The following THSD4 variants were observed in gnomAD, a reference collection of about 807,000 sequenced individuals.
THSD4 encodes thrombospondin type-1 domain-containing protein 4.
THSD4 carries 69 observed loss-of-function variants against 119.0 expected under a neutral mutation model. That is an observed-to-expected ratio of 0.58 (90% CI 0.48 to 0.71). The LOEUF is 0.71. Among genes scored for constraint, THSD4 ranks in the 30% least tolerant of loss-of-function variants. THSD4 has a pLI of 0.00. For missense variants in THSD4, 1,393 were observed against 1,391.1 expected, an observed-to-expected ratio of 1.00 and a Z score of -0.02; for synonymous variants, 524 against 540.4, an observed-to-expected ratio of 0.97 and a Z score of 0.42.
At position 71,709,543 on chromosome 15, in the gene THSD4, C is replaced by T. The variant is rs553687725; in HGVS notation, c.1358-19006C>T. 4.6e-5 allele frequency among the ~76,000 whole-genome samples: 7 copies of T among 152,190 alleles called. No homozygotes were observed. In the East Asian group the frequency reaches 1.2e-3, roughly 25 times the overall value. Reference sequence around the variant, plus strand: ...TGGTCTATAGATGACGTAGATCAGCCGGATAACATGTGGCAGGAGGAGGCA... The same window carrying T: ...TGGTCTATAGATGACGTAGATCAGCTGGATAACATGTGGCAGGAGGAGGCA... On this transcript the variant is annotated intron_variant, in intron 8 of 17. Coordinates refer to ENST00000261862, the MANE Select transcript of THSD4 (RefSeq NM_024817.3).
intron 7 of THSD4, among the ~76,000 whole-genome samples, chr15:71,462,421 G>T (rs2047441880): frequency 6.6e-6 from 1 of 152,110 alleles, no homozygotes; most frequent in African/African-American, 2.4e-5. Flanking sequence ...CCAAAATGTT[G>T]GGATTGCAGG....
intron 7 of THSD4, among the ~76,000 whole-genome samples, chr15:71,502,693 A>G (rs575898458): frequency 7.9e-5 from 12 of 152,360 alleles, no homozygotes; most frequent in African/African-American, 2.2e-4. Flanking sequence ...AATATATTCT[A>G]TGTATGGAAT....
intron 3 of THSD4, among the ~76,000 whole-genome samples, chr15:71,195,092 C>A (rs1368121184): frequency 6.6e-6 from 1 of 152,122 alleles, no homozygotes; most frequent in Non-Finnish European, 1.5e-5. Context: ...ATGGGCAAGG[C>A]CTCGTGTTAA....
At chr15:71,713,810 G>A (rs2141097260) in intron 8 of THSD4, among the ~76,000 whole-genome samples, 1 of 152,250 alleles carries the variant, frequency 6.6e-6, no homozygotes, top group East Asian at 1.9e-4. Context: ...ACACTAAAGG[G>A]AAAGCATTGA....
At chr15:71,536,054 C>A (rs982093488) in intron 7 of THSD4, among the ~76,000 whole-genome samples, 12 of 152,182 alleles carry the variant, frequency 7.9e-5, no homozygotes, top group Non-Finnish European at 1.8e-4. Context: ...GTTTTAAAAT[C>A]TTAGCTCTTA....
At chr15:71,566,089 A>G (rs2049230908) in intron 7 of THSD4, among the ~76,000 whole-genome samples, 1 of 152,098 alleles carries the variant, frequency 6.6e-6, no homozygotes, top group Non-Finnish European at 1.5e-5. Flanking sequence ...TGATAAGGTT[A>G]CAGCTTAAAG....
chr15:71,756,371 G>A (rs1415400226), intron 14 of THSD4, among the ~76,000 whole-genome samples: 1 of 152,156 alleles, frequency 6.6e-6, no homozygotes, highest in Non-Finnish European at 1.5e-5. Context: ...TTAAATCCAG[G>A]TAGAAACTTG....
chr15:71,215,473 G>T, intron 4 of THSD4, 74 bp downstream of exon 4: 1 of 1,387,132 alleles, frequency 7.2e-7, no homozygotes, highest in Non-Finnish European at 9.5e-7. Flanking sequence ...CCCCTGCCTC[G>T]CACGCTGCTC....
intron 7 of THSD4, among the ~76,000 whole-genome samples, chr15:71,509,795 A>G (rs978485077): frequency 2.6e-5 from 4 of 152,212 alleles, no homozygotes; most frequent in African/African-American, 4.8e-5. Context: ...TTTCCCCAGG[A>G]AAGTTTGCCA....
rs979248041 is a variant in THSD4 at position 71,420,258 on chromosome 15, G to A, written c.1152+8435G>A. 1.9e-4 allele frequency among the ~76,000 whole-genome samples: 20 copies of A among 107,504 alleles called. 8 individuals carry two copies. The South Asian group carries it at 3.5e-3, about 19-fold the overall frequency. 70.5% of individuals were successfully genotyped at this position (107,504 alleles called of 152,430 possible). ...CTTTGTCTCTTTTTATAGTTTTTGC[G>A]TTGAAATTTAGTTTGTCTAAGTATA... On this transcript the variant is annotated intron_variant, in intron 7 of 17. Coordinates refer to ENST00000261862, the MANE Select transcript of THSD4 (RefSeq NM_024817.3).
Position 71,728,681 on chromosome 15 carries a change from C to G in THSD4, c.1490C>G (p.Ser497Cys). ...PNEISSTAGE[S>C]FLAEGPTNEI... The stretch of plus-strand genomic sequence containing the variant: ...GAGATTTCGAGCACTGCCGGAGAGT[C>G]CTTTTTGGCGGAAGGTCCCACCAAC... The change falls in exon 9 of 18, where the codon TCC becomes TGC. Residue 497 changes from serine (S) to cysteine (C), a missense_variant. Coordinates refer to ENST00000261862, the MANE Select transcript of THSD4 (RefSeq NM_024817.3). 1 of 1,614,180 alleles carries G rather than the reference C, an allele frequency of 6.2e-7. No individual in the cohort carries two copies. The highest frequency in any genetic ancestry group is 8.5e-7 in the Non-Finnish European group (1 of 1,180,024).
chr15:71,442,664 A>G (rs6494932), intron 7 of THSD4, among the ~76,000 whole-genome samples: 21,289 of 33,282 alleles, frequency 0.64, 6,820 homozygotes, highest in East Asian at 0.77. Context: ...GTGTGTGTAT[A>G]TATATATATA....
At chr15:71,396,328 A>G (rs150345952) in intron 6 of THSD4, among the ~76,000 whole-genome samples, 2 of 152,306 alleles carry the variant, frequency 1.3e-5, no homozygotes, top group East Asian at 1.9e-4. Flanking sequence ...ACCTATACGT[A>G]TACATACCTA....
At chr15:71,111,249 G>A (rs1205421293), upstream of THSD4, 1 of 1,613,998 alleles carries the variant, frequency 6.2e-7, no homozygotes, top group South Asian at 1.1e-5. Flanking sequence ...GTGGCCTGAA[G>A]ACTCCCTGAC....
chr15:71,517,814 C>G (rs2048382156), intron 7 of THSD4, among the ~76,000 whole-genome samples: 1 of 152,242 alleles, frequency 6.6e-6, no homozygotes, highest in South Asian at 2.1e-4. Context: ...AAACCTTGCT[C>G]TGTGGCATTG....
chr15:71,626,009 T>C (rs2050502696), intron 7 of THSD4, among the ~76,000 whole-genome samples: 1 of 152,250 alleles, frequency 6.6e-6, no homozygotes, highest in South Asian at 2.1e-4. Flanking sequence ...AGATCTTCTT[T>C]TACGTCCTTT....
chr15:71,719,138 G>T (rs2052666370), intron 8 of THSD4, among the ~76,000 whole-genome samples: 2 of 152,164 alleles, frequency 1.3e-5, no homozygotes, highest in African/African-American at 2.4e-5. Context: ...AACATTTAAA[G>T]AATGAGAATT....
chr15:71,181,467 G>T (rs1244640298), intron 3 of THSD4, among the ~76,000 whole-genome samples: 2 of 152,208 alleles, frequency 1.3e-5, no homozygotes, highest in African/African-American at 4.8e-5. Context: ...TTTAGTTTGG[G>T]AATAATGGTA....
chr15:71,275,173 C>T (rs2044575907), intron 6 of THSD4, among the ~76,000 whole-genome samples: 1 of 152,022 alleles, frequency 6.6e-6, no homozygotes, highest in Non-Finnish European at 1.5e-5. Flanking sequence ...TCAGAGTCAC[C>T]GAGAAGTTAC....
Sources: allele counts gnomAD v4.1 joint callset (sites outside exome capture counted in the v4.1 genomes callset), GRCh38; gene constraint gnomAD v4.1.1; transcripts MANE v1.5; gene names NCBI Gene and HGNC (gene_info 2026-07-23, HGNC 2026-07-21).